Variants in ARID2 observed in about 807,000 individuals in gnomAD.
The protein encoded by ARID2 is AT-rich interactive domain-containing protein 2.
In ARID2, 32 loss-of-function variants were observed where a neutral mutation model predicts 184.6. That is an observed-to-expected ratio of 0.17 (90% CI 0.13 to 0.23). The LOEUF (loss-of-function observed/expected upper bound fraction) is 0.23. Ranked by LOEUF, ARID2 falls within the 10% of genes least tolerant of loss-of-function variation. The pLI is 1.00. For missense variants in ARID2, 1,696 were observed against 2,197.6 expected (o/e 0.77, Z 4.56); for synonymous variants, 836 against 772.6 (o/e 1.08, Z -1.36).
At chr12:45,890,450 GTATT>G (rs748595230) in intron 16 of ARID2, among the ~76,000 whole-genome samples, 1 of 152,184 alleles carries the variant, frequency 6.6e-6, no homozygotes, top group Non-Finnish European at 1.5e-5. Context: ...TGATTTAATA[GTATT>G]TAGGTAATGT....
intron 16 of ARID2, among the ~76,000 whole-genome samples, chr12:45,861,580 C>CTTTTTTTTT (rs11303020): frequency 1.0e-5 from 1 of 97,006 alleles, no homozygotes; most frequent in Non-Finnish European, 2.0e-5. Flanking sequence ...AGGCATTTGT[C>CTTTTTTTTT]TTTTTTTTTT....
chr12:45,804,841 G>A (rs1942571968), intron 3 of ARID2, among the ~76,000 whole-genome samples: 1 of 152,004 alleles, frequency 6.6e-6, no homozygotes. Context: ...TAATCATTAT[G>A]TTGCTTTTCT....
intron 6 of ARID2, 86 bp downstream of exon 6, chr12:45,821,573 A>T (rs1285878291): frequency 1.4e-6 from 1 of 707,716 alleles, no homozygotes; most frequent in African/African-American, 1.8e-5. Context: ...TTTAATATAC[A>T]TAATACTACC....
intron 3 of ARID2, among the ~76,000 whole-genome samples, chr12:45,773,656 G>GTTC (rs1565590860): frequency 1.3e-5 from 2 of 151,488 alleles, no homozygotes; most frequent in South Asian, 2.1e-4. Flanking sequence ...CAACTTTCTA[G>GTTC]AAAGATACAA....
At chr12:45,881,312 A>G (rs1451020810) in intron 16 of ARID2, 1 of 163,924 alleles carries the variant, frequency 6.1e-6, no homozygotes, top group Admixed American at 6.2e-5. Context: ...CTTCCACCTC[A>G]CCTGGTCTGT....
chr12:45,894,490 C>T (rs935293715), intron 20 of ARID2, among the ~76,000 whole-genome samples: 6 of 152,072 alleles, frequency 3.9e-5, no homozygotes, highest in Admixed American at 6.6e-5. Flanking sequence ...CCTTGTCTTA[C>T]GTCTTTTATG....
At chr12:45,804,673 T>A (rs1056424364) in intron 3 of ARID2, among the ~76,000 whole-genome samples, 2 of 152,078 alleles carry the variant, frequency 1.3e-5, no homozygotes, top group African/African-American at 4.8e-5. Context: ...TGACTACTGG[T>A]TTTTTGATGT....
intron 6 of ARID2, among the ~76,000 whole-genome samples, chr12:45,829,801 C>CTTTTTTTTTT (rs774087811): frequency 1.1e-5 from 1 of 91,292 alleles, no homozygotes; most frequent in Non-Finnish European, 2.2e-5. Context: ...CTTTCTTCTT[C>CTTTTTTTTTT]TTTTTTTTTT....
chr12:45,757,972 T>C (rs1941599903), intron 3 of ARID2, among the ~76,000 whole-genome samples: 1 of 152,230 alleles, frequency 6.6e-6, no homozygotes, highest in African/African-American at 2.4e-5. Flanking sequence ...TAAATTCCTT[T>C]AGGTGAATAT....
At chr12:45,871,872 A>G (rs984471782) in intron 16 of ARID2, among the ~76,000 whole-genome samples, 4 of 152,188 alleles carry the variant, frequency 2.6e-5, no homozygotes, top group African/African-American at 9.6e-5. Flanking sequence ...GGCCGATTTC[A>G]TCTAAGTTAT....
intron 16 of ARID2, among the ~76,000 whole-genome samples, chr12:45,875,775 C>G (rs560790384): frequency 1.2e-4 from 18 of 152,334 alleles, no homozygotes; most frequent in Admixed American, 3.3e-4. Flanking sequence ...AACTTTTCTT[C>G]TGCAGCTTCT....
chr12:45,747,454 GT>G (rs1236351718), intron 3 of ARID2, among the ~76,000 whole-genome samples: 3 of 151,928 alleles, frequency 2.0e-5, no homozygotes. Flanking sequence ...TACTATCAGA[GT>G]CTTGGGGTCA....
intron 16 of ARID2, among the ~76,000 whole-genome samples, chr12:45,870,178 C>T (rs750653769): frequency 8.6e-5 from 13 of 151,922 alleles, no homozygotes; most frequent in Non-Finnish European, 1.8e-4. Context: ...TAGTAGAGAA[C>T]GGGGCTTCAC....
At chr12:45,901,154 ATTTTTTT>A (rs71067909) in intron 20 of ARID2, among the ~76,000 whole-genome samples, 2 of 44,972 alleles carry the variant, frequency 4.4e-5, no homozygotes, top group African/African-American at 2.8e-4. Flanking sequence ...AATTTCCTTA[ATTTTTTT>A]TTTTTTTTTT....
chr12:45,907,310 GATA>G lies in ARID2; in HGVS notation c.*2235_*2237del, dbSNP rs1944542074. On this transcript the variant is annotated 3_prime_UTR_variant, in exon 21 of 21. Transcript: ENST00000334344. The stretch of plus-strand genomic sequence containing the variant: ...TTTGTGCAACAACGTTTATTTGAAA[GATA>G]ATGTCTTCTCAAAATCAGAAACTGC... 4.3e-6 allele frequency: 1 copy of G among 232,900 alleles called. No homozygotes were observed. The highest frequency in any genetic ancestry group is 1.8e-4 in the South Asian group (1 of 5,534). The allele number at this position is 232,900 out of a possible 1,614,324, so 14.4% of individuals were successfully genotyped here.
chr12:45,878,870 C>T (rs1322966422), intron 16 of ARID2, among the ~76,000 whole-genome samples: 1 of 151,988 alleles, frequency 6.6e-6, no homozygotes, highest in Non-Finnish European at 1.5e-5. Flanking sequence ...TAGCCTTTGG[C>T]GTGAGGTTTT....
intron 3 of ARID2, among the ~76,000 whole-genome samples, chr12:45,741,690 T>C (rs1279888957): frequency 6.6e-6 from 1 of 152,190 alleles, no homozygotes; most frequent in African/African-American, 2.4e-5. Flanking sequence ...GAGCCCTTCC[T>C]TTTTGACAAA....
intron 3 of ARID2, among the ~76,000 whole-genome samples, chr12:45,772,569 AT>A (rs1203652030): frequency 2.6e-4 from 39 of 152,350 alleles, no homozygotes; most frequent in African/African-American, 7.9e-4. Context: ...TATTATGCAA[AT>A]TATAACCATA....
intron 6 of ARID2, among the ~76,000 whole-genome samples, chr12:45,825,605 A>G (rs1473658480): frequency 6.6e-6 from 1 of 152,156 alleles, no homozygotes; most frequent in Non-Finnish European, 1.5e-5. Context: ...ATGCATCAAG[A>G]CTTACTTGAC....
Sources: gnomAD v4.1 joint callset for allele counts (sites outside exome capture counted in the v4.1 genomes callset) on GRCh38, gnomAD v4.1.1 for gene constraint, MANE v1.5 for transcripts, NCBI Gene and HGNC (gene_info 2026-07-23, HGNC 2026-07-21) for gene names.